The following UTRN variants were observed in gnomAD, a reference collection of about 807,000 sequenced individuals.
UTRN encodes the protein dystrophin-related protein 1.
In UTRN, 283 loss-of-function variants were observed where a neutral mutation model predicts 463.9. The observed-to-expected ratio is 0.61, with a 90% CI of 0.55 to 0.67. The LOEUF (loss-of-function observed/expected upper bound fraction) is 0.67, where lower values mean the gene tolerates loss of function less well. Among genes scored for constraint, UTRN ranks in the 30% least tolerant of loss-of-function variants. The pLI is 0.00. For synonymous variants in UTRN, 1,442 were observed against 1,431.5 expected, an observed-to-expected ratio of 1.01 and a Z score of -0.17; for missense variants, 3,922 against 4,084.3, an observed-to-expected ratio of 0.96 and a Z score of 1.08.
intron 18 of UTRN, 132 bp downstream of exon 18, chr6:144,451,625 T>C (rs1788312594): frequency 1.8e-6 from 2 of 1,098,298 alleles, no homozygotes; most frequent in Non-Finnish European, 2.5e-6. Flanking sequence ...TAGCTTTTAG[T>C]ACATTGTAGT....
chr6:144,409,261 G>A (rs547391552), intron 3 of UTRN, among the ~76,000 whole-genome samples: 7 of 151,920 alleles, frequency 4.6e-5, no homozygotes, highest in Admixed American at 4.6e-4. Context: ...ACTTCACCTT[G>A]GTTAAAACTA....
chr6:144,350,393 C>T (rs187514191), intron 2 of UTRN, among the ~76,000 whole-genome samples: 10 of 152,268 alleles, frequency 6.6e-5, no homozygotes, highest in Admixed American at 5.9e-4. Flanking sequence ...AAAATGTATG[C>T]CTCTATGGGT....
At chr6:144,804,888 C>A (rs1400284086) in intron 65 of UTRN, among the ~76,000 whole-genome samples, 2 of 152,092 alleles carry the variant, frequency 1.3e-5, no homozygotes, top group East Asian at 3.9e-4. Flanking sequence ...GACCTGTCTT[C>A]AGGTGTTGGC....
Position 144,491,076 on chromosome 6 carries a change from A to G in UTRN, c.4411A>G (p.Ile1471Val), listed in dbSNP as rs769095449. 6.2e-7 allele frequency: 1 copy of G among 1,611,288 alleles called. No homozygotes were observed. Among genetic ancestry groups the G allele is most frequent in the South Asian group, 1.1e-5 (1 of 90,496 alleles). The change falls in exon 32 of 75, where the codon ATA (isoleucine) becomes GTA (valine). Residue 1471 changes from isoleucine (I) to valine (V), a missense_variant. Coordinates refer to ENST00000367545, the MANE Select transcript of UTRN (RefSeq NM_007124.3). ...LDVKDVDPDV[I>V]QTHLDKCMKL... ...TGTGAAGGACGTAGACCCTGACGTC[A>G]TACAGACGCACCTGGACAAGTGTAT...
At chr6:144,416,422 T>G (rs976539412) in intron 3 of UTRN, among the ~76,000 whole-genome samples, 2 of 152,242 alleles carry the variant, frequency 1.3e-5, no homozygotes, top group Non-Finnish European at 2.9e-5. Flanking sequence ...ATTCTCCAGA[T>G]GTGCCTGGGG....
chr6:144,656,157 A>G (rs1188361578), intron 51 of UTRN, among the ~76,000 whole-genome samples: 2 of 152,178 alleles, frequency 1.3e-5, no homozygotes, highest in Non-Finnish European at 2.9e-5. Context: ...AGCATATTCC[A>G]CCTACTGAGG....
intron 3 of UTRN, among the ~76,000 whole-genome samples, chr6:144,419,773 C>G (rs921239006): frequency 6.6e-6 from 1 of 152,204 alleles, no homozygotes; most frequent in Non-Finnish European, 1.5e-5. Context: ...CTTGGGGTCT[C>G]TCTCTCCTCT....
chr6:144,537,718 G>A lies in UTRN; in HGVS notation c.6369+1G>A. 1 of 1,608,706 alleles carries A rather than the reference G, an allele frequency of 6.2e-7. No individual in the cohort carries two copies. The highest frequency in any genetic ancestry group is 8.5e-7 in the Non-Finnish European group (1 of 1,177,792). Reference sequence around the variant, plus strand: ...GGGAGAAAACCTGCAAGAATTAAGAGTAAGTTGTTTATTTCTGTCTATATG... The same window carrying A: ...GGGAGAAAACCTGCAAGAATTAAGAATAAGTTGTTTATTTCTGTCTATATG... On this transcript the variant is annotated splice_donor_variant, in intron 44 of 74. Coordinates refer to ENST00000367545, the MANE Select transcript of UTRN (RefSeq NM_007124.3). LOFTEE classifies it high-confidence loss of function.
intron 23 of UTRN, among the ~76,000 whole-genome samples, chr6:144,465,093 T>A (rs1347994415): frequency 1.3e-5 from 2 of 152,202 alleles, no homozygotes. Flanking sequence ...AAAATAATCA[T>A]CTGGCTCCAA....
intron 52 of UTRN, among the ~76,000 whole-genome samples, chr6:144,679,046 C>CT (rs1781946145): frequency 6.6e-6 from 1 of 152,058 alleles, no homozygotes; most frequent in South Asian, 2.1e-4. Context: ...GAATCTAGAT[C>CT]TTTTTTACTC....
chr6:144,490,430 A>T (rs1792947668), intron 31 of UTRN, among the ~76,000 whole-genome samples: 1 of 152,224 alleles, frequency 6.6e-6, no homozygotes, highest in South Asian at 2.1e-4. Context: ...CAAGAGAGTG[A>T]GCCAGATTTA....
chr6:144,775,355 G>T (rs1775230132), intron 60 of UTRN, among the ~76,000 whole-genome samples: 1 of 152,116 alleles, frequency 6.6e-6, no homozygotes, highest in African/African-American at 2.4e-5. Flanking sequence ...GCTATGTATG[G>T]AAGAGAAGTC....
intron 50 of UTRN, among the ~76,000 whole-genome samples, chr6:144,560,019 C>T (rs1481336955): frequency 1.3e-5 from 2 of 152,118 alleles, no homozygotes; most frequent in African/African-American, 4.8e-5. Flanking sequence ...TTGTTTTGTG[C>T]GTATAAATTT....
intron 2 of UTRN, among the ~76,000 whole-genome samples, chr6:144,361,909 A>T (rs2114687885): frequency 6.6e-6 from 1 of 152,046 alleles, no homozygotes; most frequent in East Asian, 1.9e-4. Context: ...ACCCAGCCAG[A>T]ACTGCCTGTT....
intron 2 of UTRN, among the ~76,000 whole-genome samples, chr6:144,315,984 G>A (rs1403272425): frequency 2.0e-5 from 3 of 152,136 alleles, no homozygotes; most frequent in Admixed American, 1.3e-4. Context: ...AATGGAAGAG[G>A]CAGCTAGAGG....
chr6:144,557,322 G>A lies in UTRN; in HGVS notation c.7289+11G>A, dbSNP rs752703083. On this transcript the variant is annotated intron_variant, in intron 50 of 74. Transcript: ENST00000367545. Reference sequence around the variant, plus strand: ...CAATCTCAAACAAAGGTAAGTCTAAGGCCCTGGCAGGTAAATGTATATTGT... The same window carrying A: ...CAATCTCAAACAAAGGTAAGTCTAAAGCCCTGGCAGGTAAATGTATATTGT... The A allele has an allele frequency of 1.9e-6, 3 of 1,604,926 alleles. No homozygotes were observed. The Admixed American group carries it at 5.1e-5, about 27-fold the overall frequency.
At chr6:144,783,813 A>T (rs2128739702) in intron 61 of UTRN, among the ~76,000 whole-genome samples, 1 of 152,242 alleles carries the variant, frequency 6.6e-6, no homozygotes, top group South Asian at 2.1e-4. Context: ...ATAATCAGCC[A>T]CTGTGTGCTT....
intron 2 of UTRN, among the ~76,000 whole-genome samples, chr6:144,399,351 G>A (rs139860727): frequency 0.01 from 1,575 of 152,098 alleles, 27 homozygotes; most frequent in African/African-American, 0.034. Context: ...TCACATGTAG[G>A]GCCCACAAAA....
At chr6:144,635,527 T>TC (rs1777060033) in intron 51 of UTRN, among the ~76,000 whole-genome samples, 5 of 76,484 alleles carry the variant, frequency 6.5e-5, no homozygotes, top group Admixed American at 4.9e-4. Context: ...TTTTTTTTTT[T>TC]TTCTTTTCTT....
Sources: gnomAD v4.1 joint callset for allele counts (sites outside exome capture counted in the v4.1 genomes callset) on GRCh38, gnomAD v4.1.1 for gene constraint, MANE v1.5 for transcripts, NCBI Gene and HGNC (gene_info 2026-07-23, HGNC 2026-07-21) for gene names.